Variants in ADGRL3 observed in about 807,000 individuals in gnomAD.
ADGRL3 encodes adhesion G protein-coupled receptor L3, also known as calcium-independent alpha-latrotoxin receptor 3.
A neutral mutation model predicts 153.5 loss-of-function variants in ADGRL3; 62 were observed. That is an observed-to-expected ratio of 0.40 (90% confidence interval 0.33 to 0.50). The LOEUF (loss-of-function observed/expected upper bound fraction) is 0.50, where lower values mean the gene tolerates loss of function less well. Among genes scored for constraint, ADGRL3 ranks in the 20% least tolerant of loss-of-function variants. The pLI, the probability that ADGRL3 is intolerant of heterozygous loss-of-function variation, is 0.47. For synonymous variants in ADGRL3, 710 were observed against 672.5 expected, an observed-to-expected ratio of 1.06 and a Z score of -0.86; for missense variants, 1,641 against 1,859.4, an observed-to-expected ratio of 0.88 and a Z score of 2.16.
intron 4 of ADGRL3, among the ~76,000 whole-genome samples, chr4:61,559,058 G>A (rs1230820257): frequency 6.6e-6 from 1 of 151,950 alleles, no homozygotes; most frequent in Admixed American, 6.6e-5. Flanking sequence ...CACAGGTACT[G>A]GTGTAGAATA....
intron 2 of ADGRL3, among the ~76,000 whole-genome samples, chr4:61,397,730 TGTCA>T (rs1323846689): frequency 6.6e-6 from 1 of 151,870 alleles, no homozygotes; most frequent in Admixed American, 6.6e-5. Flanking sequence ...TAAAAAAAAT[TGTCA>T]GTATTAACTG....
chr4:61,884,831 G>T (rs566268501), intron 9 of ADGRL3, among the ~76,000 whole-genome samples: 2 of 151,422 alleles, frequency 1.3e-5, no homozygotes, highest in South Asian at 2.1e-4. Context: ...TGCCGTGTTG[G>T]TCAGCCTGGT....
At chr4:61,646,158 G>C (rs1198182972) in intron 5 of ADGRL3, among the ~76,000 whole-genome samples, 1 of 151,836 alleles carries the variant, frequency 6.6e-6, no homozygotes, top group East Asian at 1.9e-4. Context: ...GCACTTCTCT[G>C]TATTGGTTAT....
At chr4:61,542,162 A>C (rs906616988) in intron 4 of ADGRL3, among the ~76,000 whole-genome samples, 8 of 152,200 alleles carry the variant, frequency 5.3e-5, no homozygotes, top group Admixed American at 4.6e-4. Flanking sequence ...TGTTTAAGCT[A>C]AAAGGAACCT....
At chr4:61,348,686 A>G (rs1047956954) in intron 1 of ADGRL3, among the ~76,000 whole-genome samples, 2 of 152,214 alleles carry the variant, frequency 1.3e-5, no homozygotes, top group Admixed American at 6.5e-5. Flanking sequence ...GGTGTAAAAT[A>G]TAGTTGATAT....
At chr4:61,418,124 G>T (rs541609841) in intron 2 of ADGRL3, among the ~76,000 whole-genome samples, 3 of 152,322 alleles carry the variant, frequency 2.0e-5, no homozygotes, top group East Asian at 3.9e-4. Flanking sequence ...TAGAGAAAGA[G>T]AAGAGCAAGA....
chr4:61,445,472 G>A (rs1180581981), intron 2 of ADGRL3, among the ~76,000 whole-genome samples: 1 of 152,172 alleles, frequency 6.6e-6, no homozygotes, highest in Non-Finnish European at 1.5e-5. Flanking sequence ...GGGTTCTAAA[G>A]TGCAAAGAAA....
At chr4:61,817,346 G>C (rs1477591804) in intron 9 of ADGRL3, among the ~76,000 whole-genome samples, 1 of 152,162 alleles carries the variant, frequency 6.6e-6, no homozygotes, top group African/African-American at 2.4e-5. Flanking sequence ...AGAACTTATG[G>C]TCCTTTTGTT....
intron 9 of ADGRL3, among the ~76,000 whole-genome samples, chr4:61,882,667 G>T (rs1358936785): frequency 6.6e-6 from 1 of 152,062 alleles, no homozygotes; most frequent in Admixed American, 6.5e-5. Context: ...CACATACTGC[G>T]CTCCAGCCAC....
intron 1 of ADGRL3, among the ~76,000 whole-genome samples, chr4:61,350,099 G>A (rs1054550784): frequency 3.3e-5 from 5 of 152,276 alleles, no homozygotes; most frequent in East Asian, 1.9e-4. Context: ...ACTAGGTGAT[G>A]TAGATGATAT....
chr4:61,651,930 T>G (rs1446720652), intron 5 of ADGRL3, among the ~76,000 whole-genome samples: 1 of 151,982 alleles, frequency 6.6e-6, no homozygotes, highest in African/African-American at 2.4e-5. Context: ...TAAATAACTT[T>G]TAAAGGTCAT....
intron 25 of ADGRL3, among the ~76,000 whole-genome samples, chr4:62,061,034 A>G (rs891046084): frequency 5.3e-5 from 8 of 151,924 alleles, no homozygotes; most frequent in Non-Finnish European, 4.4e-5. Flanking sequence ...CTGACAAGTG[A>G]TAATGTCCTT....
At chr4:61,239,158 T>C (rs1485227208) in intron 1 of ADGRL3, among the ~76,000 whole-genome samples, 1 of 152,170 alleles carries the variant, frequency 6.6e-6, no homozygotes, top group African/African-American at 2.4e-5. Context: ...AAATGGTTTC[T>C]ATAACAAATG....
intron 6 of ADGRL3, chr4:61,677,161 G>C (rs1391319): frequency 1 from 465,305 of 466,576 alleles, 232,034 homozygotes; most frequent in East Asian, 1. Context: ...ATATGAATAC[G>C]TGTTCTAACA....
chr4:61,231,555 T>C (rs1426757332), intron 1 of ADGRL3, among the ~76,000 whole-genome samples: 1 of 152,110 alleles, frequency 6.6e-6, no homozygotes, highest in Non-Finnish European at 1.5e-5. Context: ...ACCTGGCTGT[T>C]TCAAACTTTT....
chr4:61,214,294 T>A (rs1000208373), intron 1 of ADGRL3, among the ~76,000 whole-genome samples: 5 of 152,152 alleles, frequency 3.3e-5, no homozygotes, highest in Non-Finnish European at 5.9e-5. Flanking sequence ...AAGAATTGAG[T>A]CCACCATGTG....
chr4:61,455,607 T>C (rs1258828850), intron 2 of ADGRL3, among the ~76,000 whole-genome samples: 2 of 152,058 alleles, frequency 1.3e-5, no homozygotes, highest in Non-Finnish European at 2.9e-5. Flanking sequence ...GTAGTATTAT[T>C]ATATTTATAG....
chr4:61,333,116 G>A (rs973009014), intron 1 of ADGRL3, among the ~76,000 whole-genome samples: 30 of 151,942 alleles, frequency 2.0e-4, no homozygotes, highest in African/African-American at 7.2e-4. Context: ...TAAGTTATAA[G>A]CACATAAAAA....
At chr4:61,427,440 C>G (rs2097296616) in intron 2 of ADGRL3, 1 of 153,102 alleles carries the variant, frequency 6.5e-6, no homozygotes, top group African/African-American at 2.4e-5. Flanking sequence ...GCAGAGCAGA[C>G]AATACCATCA....
Sources: allele counts gnomAD v4.1 joint callset (sites outside exome capture counted in the v4.1 genomes callset), GRCh38; gene constraint gnomAD v4.1.1; transcripts MANE v1.5; gene names NCBI Gene and HGNC (gene_info 2026-07-23, HGNC 2026-07-21).